Variants in ALK observed in about 807,000 individuals in gnomAD.
The protein encoded by ALK is ALK tyrosine kinase receptor.
Under a neutral mutation model 163.1 loss-of-function variants are expected in ALK, and 74 were observed. The observed-to-expected ratio is 0.45, with a 90% CI of 0.38 to 0.55. ALK has a LOEUF of 0.55. Among genes scored for constraint, ALK ranks in the 20% least tolerant of loss-of-function variants. The pLI, the probability that ALK is intolerant of heterozygous loss-of-function variation, is 0.00. For synonymous variants in ALK, 960 were observed against 843.2 expected, an observed-to-expected ratio of 1.14 and a Z score of -2.40; for missense variants, 2,063 against 2,105.3, an observed-to-expected ratio of 0.98 and a Z score of 0.39.
At chr2:29,342,961 C>T (rs1667839404) in intron 5 of ALK, among the ~76,000 whole-genome samples, 1 of 145,232 alleles carries the variant, frequency 6.9e-6, no homozygotes, top group African/African-American at 2.6e-5. Context: ...CTGCCCGCTG[C>T]AAGCTCTGCC....
chr2:29,659,370 A>T (rs1677280015), intron 3 of ALK, among the ~76,000 whole-genome samples: 1 of 152,074 alleles, frequency 6.6e-6, no homozygotes, highest in South Asian at 2.1e-4. Context: ...ACATCACTAC[A>T]CCCAGGAGTG....
intron 5 of ALK, among the ~76,000 whole-genome samples, chr2:29,361,888 C>T (rs867258167): frequency 2.0e-5 from 3 of 152,198 alleles, no homozygotes; most frequent in Admixed American, 6.5e-5. Flanking sequence ...ACCATTCCTT[C>T]GACTGTCTTT....
intron 2 of ALK, among the ~76,000 whole-genome samples, chr2:29,708,624 T>C (rs1678982635): frequency 6.6e-6 from 1 of 152,164 alleles, no homozygotes. Context: ...ATGAGTTGTG[T>C]AAAGCAACAG....
intron 3 of ALK, among the ~76,000 whole-genome samples, chr2:29,559,401 C>T (rs1429845085): frequency 1.3e-5 from 2 of 152,186 alleles, no homozygotes; most frequent in Admixed American, 6.5e-5. Flanking sequence ...CCAGCAGAGG[C>T]GTATGGGCTG....
intron 8 of ALK, among the ~76,000 whole-genome samples, chr2:29,298,686 C>T (rs573707042): frequency 3.9e-4 from 59 of 152,310 alleles, no homozygotes; most frequent in Non-Finnish European, 7.9e-4. Flanking sequence ...GATTTGATTT[C>T]TACTTTACTG....
chr2:29,638,865 A>C (rs1676620558), intron 3 of ALK, among the ~76,000 whole-genome samples: 1 of 152,158 alleles, frequency 6.6e-6, no homozygotes, highest in Non-Finnish European at 1.5e-5. Flanking sequence ...CATATACAAA[A>C]TGCAGAGAAT....
chr2:29,593,737 T>C (rs1259882183), intron 3 of ALK, among the ~76,000 whole-genome samples: 1 of 152,242 alleles, frequency 6.6e-6, no homozygotes, highest in African/African-American at 2.4e-5. Context: ...TTCAGAAGTA[T>C]AGCAGAATCT....
intron 26 of ALK, among the ~76,000 whole-genome samples, chr2:29,206,020 G>C (rs780400532): frequency 6.6e-6 from 1 of 152,180 alleles, no homozygotes; most frequent in Non-Finnish European, 1.5e-5. Flanking sequence ...GGACCAGGGA[G>C]ACTTCAGTTC....
intron 26 of ALK, among the ~76,000 whole-genome samples, chr2:29,203,615 T>C (rs1669239683): frequency 6.7e-6 from 1 of 148,874 alleles, no homozygotes; most frequent in Non-Finnish European, 1.5e-5. Flanking sequence ...TCCTCCCAAG[T>C]AGCTGGGATT....
chr2:29,487,442 G>A (rs62129093), intron 4 of ALK, among the ~76,000 whole-genome samples: 1 of 152,052 alleles, frequency 6.6e-6, no homozygotes, highest in Non-Finnish European at 1.5e-5. Context: ...TAGAGCTTGT[G>A]GAAAGGTGGT....
At chr2:29,773,200 C>T (rs940800356) in intron 1 of ALK, among the ~76,000 whole-genome samples, 2 of 151,834 alleles carry the variant, frequency 1.3e-5, no homozygotes, top group Non-Finnish European at 2.9e-5. Flanking sequence ...GTACACTACA[C>T]ATCTTTTCTA....
chr2:29,294,436 T>C (rs149396902), intron 9 of ALK, among the ~76,000 whole-genome samples: 45 of 152,334 alleles, frequency 3.0e-4, no homozygotes, highest in African/African-American at 1.1e-3. Context: ...TGGGGAGATA[T>C]TGTCATTATT....
Position 29,763,171 on chromosome 2 carries a change from C to T in ALK, c.668-45474G>A, listed in dbSNP as rs538985898. On this transcript the variant is annotated intron_variant, in intron 1 of 28. Coordinates refer to ENST00000389048, the MANE Select transcript of ALK (RefSeq NM_004304.5). Reference sequence around the variant, plus strand: ...GTGCCACCACTTTCTAGCTGTGTGACATTGGTCGAGTTGTAAACCTTTGCC... The same window carrying T: ...GTGCCACCACTTTCTAGCTGTGTGATATTGGTCGAGTTGTAAACCTTTGCC... Among the ~76,000 whole-genome samples, 216 of 151,440 alleles carry T rather than the reference C, an allele frequency of 1.4e-3. 1 individual carries two copies. The highest frequency in any genetic ancestry group is 3.5e-3 in the Middle Eastern group (1 of 288).
intron 1 of ALK, among the ~76,000 whole-genome samples, chr2:29,782,389 C>T (rs1038499061): frequency 3.9e-5 from 6 of 152,170 alleles, no homozygotes; most frequent in Non-Finnish European, 8.8e-5. Context: ...GGTCAGCCCA[C>T]TGGTGGCCCC....
At chr2:29,316,247 C>T (rs1666833618) in intron 8 of ALK, among the ~76,000 whole-genome samples, 1 of 152,008 alleles carries the variant, frequency 6.6e-6, no homozygotes, top group South Asian at 2.1e-4. Flanking sequence ...AATTCAAAGA[C>T]CCATCAGCAT....
intron 4 of ALK, among the ~76,000 whole-genome samples, 172 bp from the exon 5 acceptor site, chr2:29,384,031 T>C (rs1006654955): frequency 6.6e-6 from 1 of 152,206 alleles, no homozygotes; most frequent in East Asian, 1.9e-4. Context: ...GACAGCAACA[T>C]GCAAATACTT....
intron 1 of ALK, among the ~76,000 whole-genome samples, chr2:29,882,528 T>C (rs991658690): frequency 6.6e-5 from 10 of 152,136 alleles, no homozygotes; most frequent in Admixed American, 5.9e-4. Flanking sequence ...ACCCCGTCTC[T>C]AATAAAAATA....
At position 29,399,835 on chromosome 2, in the gene ALK, T is replaced by C. The variant is rs74433877; in HGVS notation, c.1155-15976A>G. The stretch of plus-strand genomic sequence containing the variant: ...TCACATGGGTGAAAATGAACATTGG[T>C]TCTTGTGGTACTGGGATAATGCAAG... On this transcript the variant is annotated intron_variant, in intron 4 of 28. Transcript: ENST00000389048. Among the ~76,000 whole-genome samples, 665 of 152,342 alleles carry C rather than the reference T, an allele frequency of 4.4e-3. 4 individuals are homozygous for C. The highest frequency in any genetic ancestry group is 0.015 in the African/African-American group (624 of 41,580).
intron 1 of ALK, among the ~76,000 whole-genome samples, chr2:29,880,976 G>A (rs558101270): frequency 1.3e-5 from 2 of 152,342 alleles, no homozygotes; most frequent in South Asian, 4.1e-4. Context: ...CCCGGACAGA[G>A]AAAGGAGCCA....
Sources: gnomAD v4.1 joint callset for allele counts (sites outside exome capture counted in the v4.1 genomes callset) on GRCh38, gnomAD v4.1.1 for gene constraint, MANE v1.5 for transcripts, NCBI Gene and HGNC (gene_info 2026-07-23, HGNC 2026-07-21) for gene names.